The following HS6ST2 variants were observed in gnomAD, a reference collection of about 807,000 sequenced individuals.
The protein encoded by HS6ST2 is heparan sulfate 6-O-sulfotransferase 2.
In HS6ST2, 17 loss-of-function variants were observed where a neutral mutation model predicts 33.0. The ratio of observed to expected loss-of-function variants is 0.52; its 90% CI spans 0.35 to 0.77. HS6ST2 has a LOEUF of 0.77. Among genes scored for constraint, HS6ST2 ranks in the 30% least tolerant of loss-of-function variants. HS6ST2 has a pLI of 0.01. For missense variants in HS6ST2, 519 were observed against 551.7 expected (o/e 0.94, Z 0.59); for synonymous variants, 248 against 237.1 (o/e 1.05, Z -0.42).
At chrX:132,746,460 G>A (rs904500403) in intron 2 of HS6ST2, among the ~76,000 whole-genome samples, 2 of 110,785 alleles carry the variant, frequency 1.8e-5, no homozygotes, top group African/African-American at 3.3e-5. Context: ...CCAAAATCGC[G>A]CCACTGCACT....
In HS6ST2 at chrX:132,628,173, T is replaced by C; in HGVS notation, c.*50A>G. The stretch of plus-strand genomic sequence containing the variant: ...CACTTTCATCTTTTAAGCTATGCCA[T>C]CTTTTCAGTGGCGCTTTGGGAGAAG... On this transcript the variant is annotated 3_prime_UTR_variant, in exon 5 of 5. Coordinates refer to ENST00000370833, the MANE Select transcript of HS6ST2 (RefSeq NM_001394073.1). 1.1e-6 allele frequency: 1 copy of C among 889,604 alleles called. No homozygotes were observed. Among genetic ancestry groups the C allele is most frequent in the Non-Finnish European group, 1.6e-6 (1 of 643,836 alleles). 73.3% of individuals were successfully genotyped at this position (889,604 alleles called of 1,213,427 possible).
intron 2 of HS6ST2, among the ~76,000 whole-genome samples, chrX:132,904,401 C>T (rs918097425): frequency 8.1e-5 from 9 of 111,325 alleles, no homozygotes; most frequent in Non-Finnish European, 1.5e-4. Context: ...TCTCATTTTG[C>T]GTCTCATAGT....
At chrX:132,769,697 C>T (rs139460010) in intron 2 of HS6ST2, among the ~76,000 whole-genome samples, 265 of 112,571 alleles carry the variant, frequency 2.4e-3, no homozygotes, top group Non-Finnish European at 4.1e-3. Context: ...CATGTTGTCA[C>T]GGTTCTACCA....
intron 2 of HS6ST2, among the ~76,000 whole-genome samples, chrX:132,820,089 T>C (rs1385190465): frequency 1.8e-5 from 2 of 111,547 alleles, no homozygotes. Flanking sequence ...GCAGCAAGGG[T>C]GGCTCTTCCT....
At chrX:132,732,751 T>C (rs758755370) in intron 2 of HS6ST2, among the ~76,000 whole-genome samples, 1 of 111,960 alleles carries the variant, frequency 8.9e-6, no homozygotes, top group South Asian at 3.8e-4. Flanking sequence ...TTAAATGTCT[T>C]TCCTTTATAA....
intron 2 of HS6ST2, among the ~76,000 whole-genome samples, chrX:132,823,853 A>AAAAAATAATAATAAT (rs774177926): frequency 4.0e-4 from 37 of 92,513 alleles, no homozygotes; most frequent in Non-Finnish European, 5.5e-4. Context: ...ACTTCATAAA[A>AAAAAATAATAATAAT]AATAATAATA....
chrX:132,869,957 G>A (rs2066041282), intron 2 of HS6ST2, among the ~76,000 whole-genome samples: 2 of 111,351 alleles, frequency 1.8e-5, no homozygotes, highest in Admixed American at 1.9e-4. Context: ...TATTCAAATA[G>A]GAAGAGAGGA....
In HS6ST2 at chrX:132,784,658, A is replaced by T. The variant is rs186086430; in HGVS notation, c.948-76164T>A. 7.2e-5 allele frequency among the ~76,000 whole-genome samples: 8 copies of T among 111,680 alleles called. No homozygotes were observed. The East Asian group carries it at 2.0e-3, about 28-fold the overall frequency. On this transcript the variant is annotated intron_variant, in intron 2 of 4. Transcript: ENST00000370833. ...CGCAGCCAGGGTTGAGAATACTTCC[A>T]GAACATGTAAAATGCTCAAGCATAA...
chrX:132,843,852 G>C (rs1396071802), intron 2 of HS6ST2, among the ~76,000 whole-genome samples: 1 of 111,681 alleles, frequency 9.0e-6, no homozygotes, highest in African/African-American at 3.3e-5. Flanking sequence ...TTTCCCTGGG[G>C]AAGTCGCCTT....
At chrX:132,913,504 G>A (rs1311997057) in intron 2 of HS6ST2, among the ~76,000 whole-genome samples, 1 of 112,607 alleles carries the variant, frequency 8.9e-6, no homozygotes, top group African/African-American at 3.2e-5. Context: ...ACACAAGGGG[G>A]AAGCTGGTTG....
chrX:132,807,250 A>G (rs1016681591), intron 2 of HS6ST2, among the ~76,000 whole-genome samples: 2 of 110,515 alleles, frequency 1.8e-5, no homozygotes, highest in African/African-American at 3.3e-5. Context: ...CTGTCCCAGG[A>G]AGATGTGAAT....
At chrX:132,908,681 A>G (rs1298079864) in intron 2 of HS6ST2, among the ~76,000 whole-genome samples, 1 of 111,510 alleles carries the variant, frequency 9.0e-6, no homozygotes, top group Non-Finnish European at 1.9e-5. Context: ...ACAAATCTCT[A>G]GAAACAGAAA....
chrX:132,803,000 C>T (rs750086369), intron 2 of HS6ST2, among the ~76,000 whole-genome samples: 1 of 111,243 alleles, frequency 9.0e-6, no homozygotes, highest in Non-Finnish European at 1.9e-5. Context: ...AACAGGGCTG[C>T]TTGATGACAG....
intron 2 of HS6ST2, among the ~76,000 whole-genome samples, chrX:132,796,074 C>A (rs1384992015): frequency 9.0e-6 from 1 of 111,695 alleles, no homozygotes; most frequent in Non-Finnish European, 1.9e-5. Context: ...AGCATAGGGC[C>A]TGGCATGTGG....
intron 2 of HS6ST2, among the ~76,000 whole-genome samples, chrX:132,921,307 T>C (rs1298742509): frequency 8.9e-6 from 1 of 111,877 alleles, no homozygotes; most frequent in Non-Finnish European, 1.9e-5. Context: ...CCTGACCTAC[T>C]GAATCAGAAT....
chrX:132,882,826 T>C (rs1162244748), intron 2 of HS6ST2, among the ~76,000 whole-genome samples: 2 of 111,742 alleles, frequency 1.8e-5, no homozygotes. Context: ...TTGAGAGTTT[T>C]TAGCATGAAG....
At chrX:132,831,519 T>C (rs2065589881) in intron 2 of HS6ST2, among the ~76,000 whole-genome samples, 1 of 111,412 alleles carries the variant, frequency 9.0e-6, no homozygotes, top group Admixed American at 9.6e-5. Flanking sequence ...TTACAGACAT[T>C]CTACAGCACA....
At chrX:132,868,135 C>T (rs144809478) in intron 2 of HS6ST2, among the ~76,000 whole-genome samples, 88 of 111,445 alleles carry the variant, frequency 7.9e-4, no homozygotes, top group Middle Eastern at 4.7e-3. Context: ...GGTTGCAATC[C>T]TAGTCTCAGA....
At chrX:132,664,182 T>C (rs1387424097) in intron 4 of HS6ST2, among the ~76,000 whole-genome samples, 1 of 111,058 alleles carries the variant, frequency 9.0e-6, no homozygotes, top group Non-Finnish European at 1.9e-5. Flanking sequence ...AGCTAATTTT[T>C]TGTATTTTTG....
Sources: gnomAD v4.1 joint callset for allele counts (sites outside exome capture counted in the v4.1 genomes callset) on GRCh38, gnomAD v4.1.1 for gene constraint, MANE v1.5 for transcripts, NCBI Gene and HGNC (gene_info 2026-07-23, HGNC 2026-07-21) for gene names.